FAR2: variants seen among roughly 807,000 people sequenced by gnomAD.
FAR2 encodes the protein epididymis secretory protein Li 81.
FAR2 carries 19 observed loss-of-function variants against 56.0 expected under a neutral mutation model. The observed-to-expected ratio is 0.34, with a 90% confidence interval of 0.24 to 0.50. The LOEUF is 0.50. Ranked by LOEUF, FAR2 falls within the 20% of genes least tolerant of loss-of-function variation. The pLI is 0.98. For missense variants in FAR2, 508 were observed against 642.2 expected, an observed-to-expected ratio of 0.79 and a Z score of 2.26; for synonymous variants, 219 against 218.8, an observed-to-expected ratio of 1.00 and a Z score of -0.01.
At chr12:29,259,712 C>A (rs1293551217) in intron 1 of FAR2, among the ~76,000 whole-genome samples, 2 of 152,172 alleles carry the variant, frequency 1.3e-5, no homozygotes, top group African/African-American at 4.8e-5. Context: ...AAAAATCTAA[C>A]CTGCATAAAG....
intron 2 of FAR2, among the ~76,000 whole-genome samples, chr12:29,273,454 C>T (rs11050167): frequency 0.26 from 39,155 of 152,178 alleles, 6,273 homozygotes; most frequent in Non-Finnish European, 0.36. Context: ...GTGGCTGCCA[C>T]GGTGTGTAGG....
chr12:29,284,324 G>T (rs1017587749), intron 2 of FAR2, among the ~76,000 whole-genome samples: 13 of 152,202 alleles, frequency 8.5e-5, no homozygotes, highest in Admixed American at 3.9e-4. Context: ...GAATGAGATT[G>T]TACCAGGTTG....
chr12:29,277,105 G>A (rs1244935677), intron 2 of FAR2, among the ~76,000 whole-genome samples: 1 of 152,106 alleles, frequency 6.6e-6, no homozygotes, highest in African/African-American at 2.4e-5. Flanking sequence ...AGCCTCCCGA[G>A]TAGCTGGGAT....
intron 11 of FAR2, 58 bp downstream of exon 11, chr12:29,332,785 C>T (rs1949750555): frequency 6.8e-7 from 1 of 1,470,736 alleles, no homozygotes; most frequent in African/African-American, 1.4e-5. Flanking sequence ...CGACTTTATA[C>T]CAGACATAAC....
At chr12:29,150,067 C>T (rs1017831194) in intron 1 of FAR2, among the ~76,000 whole-genome samples, 11 of 152,236 alleles carry the variant, frequency 7.2e-5, no homozygotes, top group Non-Finnish European at 1.2e-4. Flanking sequence ...AAGTTTTAGA[C>T]ATCTTCCTGC....
intron 1 of FAR2, among the ~76,000 whole-genome samples, chr12:29,237,723 G>A (rs141901441): frequency 7.2e-4 from 110 of 152,192 alleles, no homozygotes; most frequent in Non-Finnish European, 8.4e-4. Context: ...TAAAGTATGC[G>A]AACCTGTCAC....
chr12:29,272,938 C>A (rs565576815), intron 2 of FAR2, among the ~76,000 whole-genome samples: 16 of 152,126 alleles, frequency 1.1e-4, no homozygotes, highest in Admixed American at 7.2e-4. Context: ...TCGCTTCAGG[C>A]CTTATTCATC....
At chr12:29,295,756 ATTTTT>A (rs61390530) in intron 3 of FAR2, among the ~76,000 whole-genome samples, 3 of 88,390 alleles carry the variant, frequency 3.4e-5, no homozygotes, top group East Asian at 7.0e-4. Flanking sequence ...TTTTTACGTA[ATTTTT>A]TTTTTTTTTT....
chr12:29,179,557 C>T (rs566489839), intron 1 of FAR2, among the ~76,000 whole-genome samples: 11 of 152,256 alleles, frequency 7.2e-5, no homozygotes, highest in South Asian at 2.1e-4. Context: ...ATTCACACCC[C>T]GACCTATCAT....
intron 10 of FAR2, among the ~76,000 whole-genome samples, chr12:29,326,734 G>T (rs77521764): frequency 6.6e-6 from 1 of 152,086 alleles, no homozygotes; most frequent in East Asian, 1.9e-4. Context: ...AATAAATTAG[G>T]TATTGATGGG....
At position 29,326,335 on chromosome 12, in the gene FAR2, T is replaced by C. The variant is rs536696765; in HGVS notation, c.1257+4411T>C. ...TTCTACCAGAGTTACGAGGAGGACC[T>C]GGTACCATTCCTTCTGAAACTATTC... is the stretch of plus-strand genomic sequence containing the variant. On this transcript the variant is annotated intron_variant, in intron 10 of 11. Transcript: ENST00000536681. Among the ~76,000 whole-genome samples the C allele has an allele frequency of 2.6e-3, 401 of 152,340 alleles. 3 individuals carry two copies. Among genetic ancestry groups the C allele is most frequent in the African/African-American group, 9.2e-3 (381 of 41,572 alleles).
chr12:29,210,659 T>A (rs972713827), intron 1 of FAR2, among the ~76,000 whole-genome samples: 6 of 152,234 alleles, frequency 3.9e-5, no homozygotes, highest in African/African-American at 1.4e-4. Flanking sequence ...ATTTCTTTTT[T>A]AACTCTTGTA....
At chr12:29,200,314 T>C (rs1947390425) in intron 1 of FAR2, among the ~76,000 whole-genome samples, 1 of 152,068 alleles carries the variant, frequency 6.6e-6, no homozygotes, top group Admixed American at 6.6e-5. Flanking sequence ...AAAAATCAGC[T>C]GGCAAGGAGA....
At chr12:29,179,598 A>G (rs762965558) in intron 1 of FAR2, among the ~76,000 whole-genome samples, 3 of 152,158 alleles carry the variant, frequency 2.0e-5, no homozygotes, top group Non-Finnish European at 4.4e-5. Flanking sequence ...TTTCCACAAC[A>G]TCAGAGAGAC....
chr12:29,224,355 G>A (rs971547533), intron 1 of FAR2, among the ~76,000 whole-genome samples: 7 of 152,134 alleles, frequency 4.6e-5, no homozygotes, highest in African/African-American at 1.7e-4. Context: ...GGCATACCTC[G>A]TGCATATTTA....
At chr12:29,299,785 G>T (rs1850888646) in intron 4 of FAR2, among the ~76,000 whole-genome samples, 1 of 126,754 alleles carries the variant, frequency 7.9e-6, no homozygotes, top group African/African-American at 3.2e-5. Flanking sequence ...TACTCTGCCT[G>T]CCTTTGCACT....
intron 1 of FAR2, among the ~76,000 whole-genome samples, chr12:29,155,684 A>G (rs564982466): frequency 2.0e-5 from 3 of 152,254 alleles, no homozygotes; most frequent in African/African-American, 4.8e-5. Flanking sequence ...GTCTATAAAT[A>G]AAGTTTTATC....
Position 29,311,043 on chromosome 12 carries a change from C to G in FAR2, c.784C>G (p.Leu262Val). ...TCCTATGCAGACTGGGAAAGGGTTT[C>G]TTCGGGCCATAAAAGCTACTCCAAT... ...GIIIATGKGFLRAIKATPMAV... is the reference protein window; with the variant it reads ...GIIIATGKGFVRAIKATPMAV... Residue 262 changes from leucine to valine, a missense_variant, in exon 7 of 12, where the codon CTT becomes GTT. Transcript: ENST00000536681. The G allele has an allele frequency of 6.2e-7, 1 of 1,613,176 alleles. No homozygotes were observed. Among genetic ancestry groups the G allele is most frequent in the Non-Finnish European group, 8.5e-7 (1 of 1,179,308 alleles).
At chr12:29,159,678 T>C (rs1173369697) in intron 1 of FAR2, among the ~76,000 whole-genome samples, 1 of 152,142 alleles carries the variant, frequency 6.6e-6, no homozygotes, top group African/African-American at 2.4e-5. Flanking sequence ...TCTCCTCTCG[T>C]TTACTCACTG....
Sources: gnomAD v4.1 joint callset for allele counts (sites outside exome capture counted in the v4.1 genomes callset) on GRCh38, gnomAD v4.1.1 for gene constraint, MANE v1.5 for transcripts, NCBI Gene and HGNC (gene_info 2026-07-23, HGNC 2026-07-21) for gene names.